The following SNX29 variants were observed in gnomAD, a reference collection of about 807,000 sequenced individuals.
The protein encoded by SNX29 is sorting nexin-29.
In SNX29, 78 loss-of-function variants were observed where a neutral mutation model predicts 102.1. That is an observed-to-expected ratio of 0.76 (90% CI 0.64 to 0.92). The LOEUF is 0.92. Ranked by LOEUF, SNX29 falls within the 40% of genes least tolerant of loss-of-function variation. SNX29 has a pLI of 0.00. For synonymous variants in SNX29, 580 were observed against 414.5 expected (o/e 1.40, Z -4.85); for missense variants, 1,280 against 1,061.7 (o/e 1.21, Z -2.86).
At chr16:12,083,855 G>A (rs1198480255) in intron 11 of SNX29, among the ~76,000 whole-genome samples, 1 of 152,218 alleles carries the variant, frequency 6.6e-6, no homozygotes, top group Non-Finnish European at 1.5e-5. Flanking sequence ...CCCTGGCTTC[G>A]TGTAATAATC....
At chr16:12,418,170 C>G (rs1052131625) in intron 18 of SNX29, among the ~76,000 whole-genome samples, 52 of 152,256 alleles carry the variant, frequency 3.4e-4, no homozygotes, top group African/African-American at 1.2e-3. Flanking sequence ...TGTTGTAGTA[C>G]AGATTTAAAA....
At chr16:12,240,505 T>C (rs1567346776) in intron 14 of SNX29, among the ~76,000 whole-genome samples, 1 of 152,088 alleles carries the variant, frequency 6.6e-6, no homozygotes, top group Non-Finnish European at 1.5e-5. Context: ...TGATTTTTTT[T>C]CTGTCGGTTT....
At chr16:12,186,104 G>A (rs1415314914) in intron 13 of SNX29, among the ~76,000 whole-genome samples, 1 of 152,058 alleles carries the variant, frequency 6.6e-6, no homozygotes. Context: ...AATGTTCTTG[G>A]CTTTATAGTA....
At chr16:12,459,780 G>C (rs532390011) in intron 18 of SNX29, among the ~76,000 whole-genome samples, 1 of 152,146 alleles carries the variant, frequency 6.6e-6, no homozygotes, top group South Asian at 2.1e-4. Context: ...CCCTCAGGAG[G>C]CCCAGCAGTC....
At chr16:12,196,304 G>A (rs1468056603) in intron 13 of SNX29, among the ~76,000 whole-genome samples, 1 of 152,158 alleles carries the variant, frequency 6.6e-6, no homozygotes, top group Non-Finnish European at 1.5e-5. Context: ...AAGAAAAATG[G>A]CAGCAATAAT....
intron 18 of SNX29, among the ~76,000 whole-genome samples, chr16:12,442,229 T>C (rs1404008952): frequency 6.6e-6 from 1 of 152,232 alleles, no homozygotes; most frequent in African/African-American, 2.4e-5. Context: ...AAGTTGACTA[T>C]AGATGAATGG....
chr16:12,061,694 C>G lies in SNX29; in HGVS notation c.1243+48C>G, dbSNP rs557937610. 6 of 1,505,950 alleles carry G rather than the reference C, an allele frequency of 4.0e-6. No individual in the cohort carries two copies. In the South Asian group the frequency reaches 5.9e-5, roughly 15 times the overall value. 93.3% of individuals were successfully genotyped at this position (1,505,950 alleles called of 1,614,324 possible). On this transcript the variant is annotated intron_variant, in intron 9 of 20. Coordinates refer to ENST00000566228, the MANE Select transcript of SNX29 (RefSeq NM_032167.5). ...TTTCCTCCAATAAGAGCTTTGGCTT[C>G]GAGAACCAGCAGGAATGTCTGAGTT... is the stretch of plus-strand genomic sequence containing the variant.
intron 15 of SNX29, among the ~76,000 whole-genome samples, chr16:12,322,767 C>T (rs923722800): frequency 6.8e-5 from 10 of 147,636 alleles, no homozygotes; most frequent in South Asian, 2.1e-4. Context: ...GGGGGACCAC[C>T]GTCAGGATGC....
intron 19 of SNX29, among the ~76,000 whole-genome samples, chr16:12,495,327 T>A (rs540611402): frequency 1.3e-5 from 2 of 152,148 alleles, no homozygotes; most frequent in East Asian, 3.9e-4. Context: ...AGTTTATGTA[T>A]TTTTAGTAGA....
intron 14 of SNX29, among the ~76,000 whole-genome samples, chr16:12,245,510 C>G (rs189344944): frequency 1.6e-3 from 245 of 151,694 alleles, no homozygotes; most frequent in African/African-American, 5.6e-3. Context: ...GTAGGAGATG[C>G]TGACTTCTTC....
chr16:12,409,977 C>T (rs890048053), intron 18 of SNX29, among the ~76,000 whole-genome samples: 7 of 151,942 alleles, frequency 4.6e-5, no homozygotes, highest in Non-Finnish European at 8.8e-5. Flanking sequence ...TTCAGCAAAG[C>T]GTTTTTTTTG....
At position 12,571,442 on chromosome 16, in the gene SNX29, C is replaced by G. The variant is rs2079185404; in HGVS notation, c.*2813C>G. The G allele has an allele frequency of 4.2e-6, 1 of 238,102 alleles. No homozygotes were observed. Among genetic ancestry groups the G allele is most frequent in the East Asian group, 6.1e-5 (1 of 16,374 alleles). 14.7% of individuals were successfully genotyped at this position (238,102 alleles called of 1,614,324 possible). ...TCTTCTAAGATTACTCGGAGATTTT[C>G]AAACAACATCTGAGAACAGAAGCCC... On this transcript the variant is annotated 3_prime_UTR_variant, in exon 21 of 21. Transcript: ENST00000566228.
At chr16:12,483,341 G>A (rs368561293) in intron 19 of SNX29, among the ~76,000 whole-genome samples, 61 of 144,420 alleles carry the variant, frequency 4.2e-4, no homozygotes, top group African/African-American at 1.5e-3. Flanking sequence ...TTTTCCAGAC[G>A]GAGTCTTGCT....
intron 20 of SNX29, among the ~76,000 whole-genome samples, chr16:12,560,430 C>T (rs1311211056): frequency 6.6e-6 from 1 of 152,192 alleles, no homozygotes; most frequent in Non-Finnish European, 1.5e-5. Context: ...CTGTAGGCAT[C>T]CATGTCCCCA....
At chr16:12,286,326 A>G (rs1354135604) in intron 15 of SNX29, among the ~76,000 whole-genome samples, 1 of 151,382 alleles carries the variant, frequency 6.6e-6, no homozygotes, top group Non-Finnish European at 1.5e-5. Context: ...AATGACTAAC[A>G]GGGCTAAACC....
At chr16:12,307,512 A>G (rs1020346253) in intron 15 of SNX29, among the ~76,000 whole-genome samples, 2 of 152,222 alleles carry the variant, frequency 1.3e-5, no homozygotes, top group Non-Finnish European at 2.9e-5. Flanking sequence ...TGGTCTGGGT[A>G]CAATTTTGTC....
intron 14 of SNX29, among the ~76,000 whole-genome samples, chr16:12,228,989 C>A (rs1177383536): frequency 6.6e-6 from 1 of 152,328 alleles, no homozygotes; most frequent in Non-Finnish European, 1.5e-5. Context: ...GCGCTTTTCT[C>A]CCCCACTCCC....
At chr16:12,158,268 C>T (rs987226691) in intron 13 of SNX29, among the ~76,000 whole-genome samples, 4 of 152,136 alleles carry the variant, frequency 2.6e-5, no homozygotes, top group South Asian at 2.1e-4. Context: ...GGCGCAATCT[C>T]GGCTTACTGC....
intron 3 of SNX29, among the ~76,000 whole-genome samples, chr16:12,014,787 C>T (rs1367521431): frequency 6.6e-6 from 1 of 150,598 alleles, no homozygotes; most frequent in Non-Finnish European, 1.5e-5. Context: ...TTATGATTTA[C>T]CATTTAAAGA....
Sources: gnomAD v4.1 joint callset for allele counts (sites outside exome capture counted in the v4.1 genomes callset) on GRCh38, gnomAD v4.1.1 for gene constraint, MANE v1.5 for transcripts, NCBI Gene and HGNC (gene_info 2026-07-23, HGNC 2026-07-21) for gene names.